The following CPA6 variants were observed in gnomAD, a reference collection of about 807,000 sequenced individuals.
CPA6 encodes the protein carboxypeptidase B.
A neutral mutation model predicts 63.3 loss-of-function variants in CPA6; 58 were observed. The ratio of observed to expected loss-of-function variants is 0.92; its 90% CI spans 0.74 to 1.14. CPA6 has a LOEUF of 1.14. CPA6 is among the 50% of genes most tolerant of loss of function. The pLI is 0.00. For synonymous variants in CPA6, 185 were observed against 179.0 expected (o/e 1.03, Z -0.27); for missense variants, 565 against 526.6 (o/e 1.07, Z -0.71).
At chr8:67,615,169 G>T (rs1381846127) in intron 2 of CPA6, among the ~76,000 whole-genome samples, 1 of 152,174 alleles carries the variant, frequency 6.6e-6, no homozygotes, top group Admixed American at 6.5e-5. Flanking sequence ...AAGCAAGGCA[G>T]GGGAAATCTC....
At chr8:67,680,168 T>G (rs771673639) in intron 1 of CPA6, among the ~76,000 whole-genome samples, 23 of 152,134 alleles carry the variant, frequency 1.5e-4, no homozygotes, top group Non-Finnish European at 2.9e-4. Flanking sequence ...TTATAAACAT[T>G]TATTGAGTGC....
At chr8:67,540,482 G>T (rs909004391) in intron 2 of CPA6, among the ~76,000 whole-genome samples, 1 of 152,212 alleles carries the variant, frequency 6.6e-6, no homozygotes, top group Admixed American at 6.5e-5. Flanking sequence ...TGGCATGGGG[G>T]TCAGGGACCC....
At chr8:67,704,371 T>C (rs1817088688) in intron 1 of CPA6, among the ~76,000 whole-genome samples, 1 of 152,216 alleles carries the variant, frequency 6.6e-6, no homozygotes, top group Non-Finnish European at 1.5e-5. Context: ...ACAGGCTTCT[T>C]GTCTGCTTAA....
chr8:67,548,382 G>A (rs1425586583), intron 2 of CPA6, among the ~76,000 whole-genome samples: 1 of 151,562 alleles, frequency 6.6e-6, no homozygotes, highest in Non-Finnish European at 1.5e-5. Flanking sequence ...CTCCTGAGCA[G>A]CTGGGACTAC....
chr8:67,677,239 A>T (rs941895232), intron 1 of CPA6, among the ~76,000 whole-genome samples: 1 of 152,224 alleles, frequency 6.6e-6, no homozygotes, highest in Non-Finnish European at 1.5e-5. Flanking sequence ...GAAGACTTCC[A>T]TAAATTATCA....
chr8:67,728,318 T>C (rs1455493106), intron 1 of CPA6, among the ~76,000 whole-genome samples: 1 of 152,204 alleles, frequency 6.6e-6, no homozygotes. Flanking sequence ...TCTCCTGTGA[T>C]TCCCCTGTGT....
intron 1 of CPA6, among the ~76,000 whole-genome samples, chr8:67,684,468 C>A (rs1816669405): frequency 6.6e-6 from 1 of 152,122 alleles, no homozygotes; most frequent in Non-Finnish European, 1.5e-5. Flanking sequence ...TAAGTTCTCA[C>A]CTCCCTTGCC....
In CPA6 at chr8:67,483,777, T is replaced by C. The variant is rs768754601; in HGVS notation, c.829A>G (p.Lys277Glu). The C allele has an allele frequency of 2.5e-6, 4 of 1,613,988 alleles. No individual in the cohort carries two copies. In the South Asian group the frequency reaches 4.4e-5, roughly 18 times the overall value. The change falls in exon 8 of 11, where the codon AAG becomes GAG. Residue 277 changes from lysine to glutamate, a missense_variant. By Grantham distance (56) the Lys-to-Glu change is moderately conservative. Coordinates refer to ENST00000297770, the MANE Select transcript of CPA6 (RefSeq NM_020361.5). The stretch of plus-strand genomic sequence containing the variant: ...TTGGTCCCAAACTTACCACACCACT[T>C]CACTTTCCAGTTTCTATTGGCATCC... ...GVDANRNWKV[K>E]WCDEGASMHP...
intron 8 of CPA6, among the ~76,000 whole-genome samples, chr8:67,451,695 G>A (rs1810561183): frequency 6.6e-6 from 1 of 152,094 alleles, no homozygotes; most frequent in African/African-American, 2.4e-5. Context: ...TTAACATTTA[G>A]GCTTTGATTA....
intron 2 of CPA6, among the ~76,000 whole-genome samples, chr8:67,612,274 G>C (rs1450263430): frequency 6.6e-6 from 1 of 152,130 alleles, no homozygotes; most frequent in African/African-American, 2.4e-5. Flanking sequence ...AAAGCCCAAA[G>C]GTTGCTTCTT....
intron 1 of CPA6, among the ~76,000 whole-genome samples, chr8:67,689,592 A>C (rs1257111680): frequency 2.0e-5 from 3 of 152,320 alleles, no homozygotes; most frequent in Middle Eastern, 3.4e-3. Flanking sequence ...ATGTTGCTGG[A>C]GAGGATATGA....
intron 8 of CPA6, among the ~76,000 whole-genome samples, chr8:67,466,800 A>T (rs1810936402): frequency 6.6e-6 from 1 of 152,212 alleles, no homozygotes; most frequent in South Asian, 2.1e-4. Flanking sequence ...AAACAACACT[A>T]GTCCTCGAAT....
chr8:67,484,828 C>A (rs748061926), intron 6 of CPA6, 39 bp from the exon 7 acceptor site: 3 of 1,161,638 alleles, frequency 2.6e-6, no homozygotes, highest in African/African-American at 3.1e-5. Flanking sequence ...TAAATTGGTC[C>A]CCAAAAGAGG....
At chr8:67,573,492 A>C (rs963170878) in intron 2 of CPA6, among the ~76,000 whole-genome samples, 7 of 151,476 alleles carry the variant, frequency 4.6e-5, no homozygotes, top group African/African-American at 1.7e-4. Context: ...ACTTTCTGAA[A>C]AAGAAATCAA....
At chr8:67,590,656 T>G (rs1814094432) in intron 2 of CPA6, among the ~76,000 whole-genome samples, 1 of 152,234 alleles carries the variant, frequency 6.6e-6, no homozygotes, top group Non-Finnish European at 1.5e-5. Context: ...TGAGCATTTT[T>G]TCATGTGTCT....
At chr8:67,495,498 A>G (rs1397092820) in intron 6 of CPA6, among the ~76,000 whole-genome samples, 1 of 152,076 alleles carries the variant, frequency 6.6e-6, no homozygotes, top group Non-Finnish European at 1.5e-5. Context: ...ATTTTTTTAT[A>G]TGTTTTTTTC....
Position 67,514,654 on chromosome 8 carries a change from G to A in CPA6, c.318-2999C>T, listed in dbSNP as rs185641348. ...CTTTATTCTCTGTGACATAAAGTGTGATATTTTATTCTATATCAGTTCCAC... is the reference window on the plus strand; with the variant it reads ...CTTTATTCTCTGTGACATAAAGTGTAATATTTTATTCTATATCAGTTCCAC... On this transcript the variant is annotated intron_variant, in intron 3 of 10. Coordinates refer to ENST00000297770, the MANE Select transcript of CPA6 (RefSeq NM_020361.5). Among the ~76,000 whole-genome samples, 87 of 152,282 alleles carry A rather than the reference G, an allele frequency of 5.7e-4. 1 individual carries two copies. The highest frequency in any genetic ancestry group is 1.1e-3 in the Non-Finnish European group (76 of 68,024).
At chr8:67,528,275 G>C (rs894212126) in intron 2 of CPA6, among the ~76,000 whole-genome samples, 1 of 152,166 alleles carries the variant, frequency 6.6e-6, no homozygotes, top group African/African-American at 2.4e-5. Context: ...ATGATGAGCA[G>C]GAGTTGGCCA....
chr8:67,601,900 A>G (rs1305613642), intron 2 of CPA6, among the ~76,000 whole-genome samples: 1 of 152,214 alleles, frequency 6.6e-6, no homozygotes, highest in Non-Finnish European at 1.5e-5. Flanking sequence ...TACATATGTG[A>G]AACAACTTTC....
Sources: gnomAD v4.1 joint callset for allele counts (sites outside exome capture counted in the v4.1 genomes callset) on GRCh38, gnomAD v4.1.1 for gene constraint, MANE v1.5 for transcripts, NCBI Gene and HGNC (gene_info 2026-07-23, HGNC 2026-07-21) for gene names.